RNF150: variants seen among roughly 807,000 people sequenced by gnomAD.
RNF150 encodes ring finger protein 150.
In RNF150, 24 loss-of-function variants were observed where a neutral mutation model predicts 39.3. That is an observed-to-expected ratio of 0.61 (90% CI 0.44 to 0.86). The LOEUF (loss-of-function observed/expected upper bound fraction) is 0.86, where lower values mean the gene tolerates loss of function less well. RNF150 is among the 40% of genes least tolerant of loss of function. RNF150 has a pLI of 0.00. For synonymous variants in RNF150, 255 were observed against 227.3 expected, an observed-to-expected ratio of 1.12 and a Z score of -1.10; for missense variants, 502 against 587.8, an observed-to-expected ratio of 0.85 and a Z score of 1.51.
intron 1 of RNF150, among the ~76,000 whole-genome samples, chr4:141,080,692 G>A (rs1344931450): frequency 2.6e-5 from 4 of 152,162 alleles, no homozygotes; most frequent in Admixed American, 2.0e-4. Flanking sequence ...GAAAGGGCAA[G>A]GGGAAAATGT....
chr4:141,088,062 A>C (rs557638124), intron 1 of RNF150, among the ~76,000 whole-genome samples: 9 of 152,338 alleles, frequency 5.9e-5, no homozygotes, highest in African/African-American at 2.2e-4. Flanking sequence ...CTAGATGAGT[A>C]AACTATAGAC....
intron 1 of RNF150, among the ~76,000 whole-genome samples, chr4:141,189,694 A>T (rs982624075): frequency 6.6e-6 from 1 of 152,078 alleles, no homozygotes; most frequent in African/African-American, 2.4e-5. Context: ...CTGCGTTTAC[A>T]CTGTGAGGGG....
chr4:140,932,750 G>A (rs997927306), intron 4 of RNF150, among the ~76,000 whole-genome samples: 2 of 152,236 alleles, frequency 1.3e-5, no homozygotes, highest in Non-Finnish European at 2.9e-5. Context: ...GAGATGACAA[G>A]CTCTCCTGGT....
chr4:141,161,161 A>G (rs560298657), intron 1 of RNF150, among the ~76,000 whole-genome samples: 1 of 152,292 alleles, frequency 6.6e-6, no homozygotes, highest in South Asian at 2.1e-4. Flanking sequence ...GTCCTGGATA[A>G]TGAGGTCTTA....
intron 1 of RNF150, among the ~76,000 whole-genome samples, chr4:141,093,629 A>C (rs1327958757): frequency 6.6e-6 from 1 of 152,194 alleles, no homozygotes; most frequent in East Asian, 1.9e-4. Context: ...ATCATTTTAA[A>C]GTGGTCCTGG....
chr4:141,081,618 G>A (rs1738151422), intron 1 of RNF150, among the ~76,000 whole-genome samples: 1 of 152,124 alleles, frequency 6.6e-6, no homozygotes, highest in African/African-American at 2.4e-5. Context: ...AAAAATATAG[G>A]CAAAGACAAA....
At chr4:140,877,131 T>G (rs979310621) in intron 6 of RNF150, among the ~76,000 whole-genome samples, 3 of 152,232 alleles carry the variant, frequency 2.0e-5, no homozygotes, top group African/African-American at 7.2e-5. Flanking sequence ...CCTGTGACAC[T>G]TCATCTAGCA....
chr4:141,172,104 T>A (rs892476645), intron 1 of RNF150, among the ~76,000 whole-genome samples: 2 of 152,100 alleles, frequency 1.3e-5, no homozygotes, highest in Non-Finnish European at 2.9e-5. Flanking sequence ...AGCAATAGGG[T>A]TTTATTTTTC....
chr4:141,171,484 GA>G (rs1727722552), intron 1 of RNF150, among the ~76,000 whole-genome samples: 2 of 152,022 alleles, frequency 1.3e-5, no homozygotes, highest in Admixed American at 6.5e-5. Context: ...GAGAGAGAGA[GA>G]GAGAGAGAAA....
chr4:141,044,736 T>C (rs1050522544), intron 1 of RNF150, among the ~76,000 whole-genome samples: 23 of 151,618 alleles, frequency 1.5e-4, no homozygotes, highest in African/African-American at 4.9e-4. Context: ...CCTACACATG[T>C]TGGAGTAAAG....
intron 1 of RNF150, among the ~76,000 whole-genome samples, chr4:141,003,295 T>C (rs1734737188): frequency 6.6e-6 from 1 of 152,146 alleles, no homozygotes; most frequent in African/African-American, 2.4e-5. Context: ...GAAAAGTACA[T>C]GTACTCGTAG....
chr4:140,869,563 G>C (rs1361659607), intron 6 of RNF150, among the ~76,000 whole-genome samples: 1 of 152,174 alleles, frequency 6.6e-6, no homozygotes, highest in African/African-American at 2.4e-5. Context: ...CTCATTGTCT[G>C]GTGGGCAGGT....
At chr4:140,981,636 C>T (rs368516720) in intron 1 of RNF150, among the ~76,000 whole-genome samples, 1 of 152,124 alleles carries the variant, frequency 6.6e-6, no homozygotes, top group African/African-American at 2.4e-5. Context: ...CTAAGCAGCA[C>T]AGTAGCATCA....
chr4:140,999,976 A>AGG (rs1491171031), intron 1 of RNF150, among the ~76,000 whole-genome samples: 1 of 26,510 alleles, frequency 3.8e-5, no homozygotes, highest in Non-Finnish European at 1.0e-4. Flanking sequence ...GAAGAAGAAG[A>AGG]AAAGAAGAAA....
intron 1 of RNF150, among the ~76,000 whole-genome samples, chr4:141,055,560 C>A (rs932416121): frequency 1.3e-5 from 2 of 152,030 alleles, no homozygotes; most frequent in African/African-American, 4.8e-5. Context: ...AAAATTAACT[C>A]TAAGGATTAA....
intron 1 of RNF150, among the ~76,000 whole-genome samples, chr4:141,017,246 C>A (rs894168509): frequency 6.6e-6 from 1 of 152,130 alleles, no homozygotes; most frequent in Non-Finnish European, 1.5e-5. Context: ...TCCTAAACTC[C>A]TACTTCTGTG....
At chr4:141,049,097 G>C (rs1002553031) in intron 1 of RNF150, among the ~76,000 whole-genome samples, 1 of 152,096 alleles carries the variant, frequency 6.6e-6, no homozygotes, top group Non-Finnish European at 1.5e-5. Flanking sequence ...GGATGAAAGT[G>C]CTTTAGTAAT....
chr4:140,935,041 AT>A (rs1395259110), intron 4 of RNF150, among the ~76,000 whole-genome samples: 2 of 6,454 alleles, frequency 3.1e-4, no homozygotes, highest in Non-Finnish European at 6.8e-4. Context: ...TAATATATAT[AT>A]ATAAATATAT....
intron 1 of RNF150, among the ~76,000 whole-genome samples, chr4:141,025,285 C>T (rs1197564553): frequency 2.0e-5 from 3 of 152,062 alleles, no homozygotes; most frequent in African/African-American, 7.2e-5. Flanking sequence ...TGAATATAGT[C>T]ATTCAATCAG....
Sources: allele counts gnomAD v4.1 joint callset (sites outside exome capture counted in the v4.1 genomes callset), GRCh38; gene constraint gnomAD v4.1.1; transcripts MANE v1.5; gene names NCBI Gene and HGNC (gene_info 2026-07-23, HGNC 2026-07-21).